The following PCDHGA9 variants were observed in gnomAD, a reference collection of about 807,000 sequenced individuals.
PCDHGA9 encodes the protein protocadherin gamma-A9.
Under a neutral mutation model 62.5 loss-of-function variants are expected in PCDHGA9, and 37 were observed. The observed-to-expected ratio is 0.59, with a 90% CI of 0.46 to 0.78. The LOEUF is 0.78. Ranked by LOEUF, PCDHGA9 falls within the 30% of genes least tolerant of loss-of-function variation. The pLI, the probability that PCDHGA9 is intolerant of heterozygous loss-of-function variation, is 0.00. For synonymous variants in PCDHGA9, 459 were observed against 484.6 expected, an observed-to-expected ratio of 0.95 and a Z score of 0.69; for missense variants, 1,138 against 1,166.2, an observed-to-expected ratio of 0.98 and a Z score of 0.35.
chr5:141,490,998 C>T lies in PCDHGA9; in HGVS notation c.2425-3809C>T, dbSNP rs1284919124. 5 of 1,614,014 alleles carry T rather than the reference C, an allele frequency of 3.1e-6. No homozygotes were observed. The highest frequency in any genetic ancestry group is 1.7e-5 in the Admixed American group (1 of 60,016). On this transcript the variant is annotated intron_variant, in intron 1 of 3. Coordinates refer to ENST00000573521, the MANE Select transcript of PCDHGA9 (RefSeq NM_018921.3). The surrounding 1 kb of genome is among the most constrained non-coding windows in gnomAD (Gnocchi z 5.4). Reference sequence around the variant, plus strand: ...GTCTCCCTCGCTCTGCTCCTCCTGGCTCCTTGGTCACCAAGGTGACAGCCG... The same window carrying T: ...GTCTCCCTCGCTCTGCTCCTCCTGGTTCCTTGGTCACCAAGGTGACAGCCG...
intron 1 of PCDHGA9, chr5:141,422,813 TAGAACTG>T: frequency 6.2e-7 from 1 of 1,614,192 alleles, no homozygotes; most frequent in Non-Finnish European, 8.5e-7. Flanking sequence ...TTTCGAGACT[TAGAACTG>T]AGAGTGATAG....
At chr5:141,419,378 G>A in intron 1 of PCDHGA9, 3 of 1,613,710 alleles carry the variant, frequency 1.9e-6, no homozygotes, top group Non-Finnish European at 2.5e-6. Context: ...CTACGTGTCC[G>A]TGAGCGCGCA....
chr5:141,487,403 C>T lies in PCDHGA9; in HGVS notation c.2425-7404C>T. 1 of 1,614,140 alleles carries T rather than the reference C, an allele frequency of 6.2e-7. No homozygotes were observed. Among genetic ancestry groups the T allele is most frequent in the South Asian group, 1.1e-5 (1 of 91,082 alleles). ...CAGATCTCGAAGGAGGGAGGGGCTTCCCCCTTCCAATGGGATCCTCCGAAT... is the reference window on the plus strand; with the variant it reads ...CAGATCTCGAAGGAGGGAGGGGCTTTCCCCTTCCAATGGGATCCTCCGAAT... On this transcript the variant is annotated intron_variant, in intron 1 of 3. Coordinates refer to ENST00000573521, the MANE Select transcript of PCDHGA9 (RefSeq NM_018921.3). The surrounding 1 kb of genome is among the most constrained non-coding windows in gnomAD (Gnocchi z 5.0).
At chr5:141,428,230 C>A in intron 1 of PCDHGA9, 1 of 1,073,982 alleles carries the variant, frequency 9.3e-7, no homozygotes, top group Non-Finnish European at 1.4e-6. Flanking sequence ...CGCAGACAGC[C>A]TGCAGGAGGC....
rs2099725414 is a variant in PCDHGA9, at chr5:141,491,703, GA to G, written c.2425-3103del. On this transcript the variant is annotated intron_variant, in intron 1 of 3. Coordinates refer to ENST00000573521, the MANE Select transcript of PCDHGA9 (RefSeq NM_018921.3). The surrounding 1 kb of genome is among the most constrained non-coding windows in gnomAD (Gnocchi z 6.9). ...ATACGCTGCGGGAGCGGAGCCAGGT[GA>G]GGGGCTCGGCGCCGCCCCGGGCGAC... is the stretch of plus-strand genomic sequence containing the variant. The G allele has an allele frequency of 3.7e-6, 6 of 1,611,396 alleles. No homozygotes were observed.
intron 1 of PCDHGA9, chr5:141,419,854 A>G: frequency 1.9e-6 from 3 of 1,614,078 alleles, no homozygotes; most frequent in Non-Finnish European, 2.5e-6. Flanking sequence ...TGGTGTTCGC[A>G]GATAGCTTGC....
chr5:141,489,040 C>G lies in PCDHGA9; in HGVS notation c.2425-5767C>G. On this transcript the variant is annotated intron_variant, in intron 1 of 3. Coordinates refer to ENST00000573521, the MANE Select transcript of PCDHGA9 (RefSeq NM_018921.3). This position sits in a 1 kb window ranked among gnomAD's most constrained non-coding sequence, Gnocchi z 4.5. ...CCTCTCCTCCTCCAGCTCCCCAGCT[C>G]CACTCAAATTCAGCTCCCCTCCCCC... 1 of 479,752 alleles carries G rather than the reference C, an allele frequency of 2.1e-6. No homozygotes were observed. The highest frequency in any genetic ancestry group is 3.6e-6 in the Non-Finnish European group (1 of 274,204). 29.7% of individuals were successfully genotyped at this position (479,752 alleles called of 1,614,324 possible). A position where few individuals can be genotyped will look rare whatever the true frequency, so the allele number is the denominator to read the frequency against.
At chr5:141,420,386 AT>A (rs2096493306) in intron 1 of PCDHGA9, 1 of 1,284,798 alleles carries the variant, frequency 7.8e-7, no homozygotes, top group African/African-American at 1.5e-5. Flanking sequence ...AGTTCGCAAA[AT>A]ATAGGTCAAA....
chr5:141,490,652 C>A lies in PCDHGA9; in HGVS notation c.2425-4155C>A. ...ATCCTAGAAAACCGGCCTCCGGGCT[C>A]CCTTCTTTGCACTGTGGCTGCCTCA... On this transcript the variant is annotated intron_variant, in intron 1 of 3. Transcript: ENST00000573521. The surrounding 1 kb of genome is among the most constrained non-coding windows in gnomAD (Gnocchi z 5.4). 6.2e-7 allele frequency: 1 copy of A among 1,614,208 alleles called. No individual in the cohort carries two copies. Among genetic ancestry groups the A allele is most frequent in the Non-Finnish European group, 8.5e-7 (1 of 1,180,026 alleles).
chr5:141,471,046 CTTTTT>C (rs1170588345), intron 1 of PCDHGA9, among the ~76,000 whole-genome samples: 2 of 113,276 alleles, frequency 1.8e-5, no homozygotes, highest in Non-Finnish European at 3.6e-5. Context: ...CCCAAGCCCT[CTTTTT>C]TTTTTTTTTT....
intron 1 of PCDHGA9, among the ~76,000 whole-genome samples, chr5:141,463,095 G>C (rs1299676667): frequency 6.6e-6 from 1 of 152,098 alleles, no homozygotes; most frequent in African/African-American, 2.4e-5. Context: ...AGCCCTATGT[G>C]ACCATCAAGA....
At chr5:141,438,997 C>T (rs2098080665) in intron 1 of PCDHGA9, among the ~76,000 whole-genome samples, 1 of 151,716 alleles carries the variant, frequency 6.6e-6, no homozygotes, top group Admixed American at 6.6e-5. Flanking sequence ...AGGCTAAGGA[C>T]CTGGTTTGTT....
At chr5:141,479,936 T>C (rs532302710) in intron 1 of PCDHGA9, among the ~76,000 whole-genome samples, 97 of 152,340 alleles carry the variant, frequency 6.4e-4, no homozygotes, top group African/African-American at 2.2e-3. Flanking sequence ...ATCATTGCTA[T>C]CAACTCTTGG....
At position 141,487,137 on chromosome 5, in the gene PCDHGA9, T is replaced by A. The variant is rs2154580779; in HGVS notation, c.2425-7670T>A. ...GTAAAGGATAGTGGTAGTCCACCAC[T>A]CTCTACCTCTGTTACTCTCTTAGTG... On this transcript the variant is annotated intron_variant, in intron 1 of 3. Coordinates refer to ENST00000573521, the MANE Select transcript of PCDHGA9 (RefSeq NM_018921.3). The surrounding 1 kb of genome is among the most constrained non-coding windows in gnomAD (Gnocchi z 5.0). 1.9e-6 allele frequency: 3 copies of A among 1,614,092 alleles called. No individual in the cohort carries two copies. The East Asian group carries it at 6.7e-5, about 36-fold the overall frequency.
chr5:141,461,389 G>T (rs2099014363), intron 1 of PCDHGA9, among the ~76,000 whole-genome samples: 1 of 152,110 alleles, frequency 6.6e-6, no homozygotes. Context: ...CTGATGATTA[G>T]CGATGTTGAG....
intron 1 of PCDHGA9, among the ~76,000 whole-genome samples, chr5:141,429,664 ATTATT>A (rs2097234085): frequency 6.6e-6 from 1 of 152,214 alleles, no homozygotes; most frequent in Non-Finnish European, 1.5e-5. Context: ...TTTAAAATAT[ATTATT>A]TTATTTTATG....
Position 141,491,075 on chromosome 5 carries a change from A to G in PCDHGA9, c.2425-3732A>G, listed in dbSNP as rs147291399. ...TGGCTCTCCTACTCACTGTTGCCAC[A>G]GTCCACAGCCCCAGGACTGTTCCTC... is the stretch of plus-strand genomic sequence containing the variant. On this transcript the variant is annotated intron_variant, in intron 1 of 3. Coordinates refer to ENST00000573521, the MANE Select transcript of PCDHGA9 (RefSeq NM_018921.3). This position sits in a 1 kb window ranked among gnomAD's most constrained non-coding sequence, Gnocchi z 6.9. 1.2e-6 allele frequency: 2 copies of G among 1,614,080 alleles called. No individual in the cohort carries two copies. Among genetic ancestry groups the G allele is most frequent in the Non-Finnish European group, 8.5e-7 (1 of 1,180,042 alleles).
At chr5:141,499,835 C>T (rs931946377) in intron 2 of PCDHGA9, among the ~76,000 whole-genome samples, 2 of 151,916 alleles carry the variant, frequency 1.3e-5, no homozygotes, top group Admixed American at 6.6e-5. Flanking sequence ...TACAGGTGTG[C>T]ACCACCACAC....
chr5:141,500,501 G>T (rs571735791), intron 2 of PCDHGA9, among the ~76,000 whole-genome samples: 6 of 152,176 alleles, frequency 3.9e-5, no homozygotes, highest in Non-Finnish European at 8.8e-5. Context: ...GAGCCACCGC[G>T]CCTGGCCGAG....
Sources: allele counts gnomAD v4.1 joint callset (sites outside exome capture counted in the v4.1 genomes callset), GRCh38; gene constraint gnomAD v4.1.1; non-coding constraint Gnocchi (gnomAD v3.1); transcripts MANE v1.5; gene names NCBI Gene and HGNC (gene_info 2026-07-23, HGNC 2026-07-21).